SGPP2: variants seen among roughly 807,000 people sequenced by gnomAD.
The protein encoded by SGPP2 is sphingosine-1-phosphate phosphatase 2, also known as sphingosine 1-phosphate phosphohydrolase 2.
In SGPP2, 30 loss-of-function variants were observed where a neutral mutation model predicts 33.9. The observed-to-expected ratio is 0.89, with a 90% CI of 0.66 to 1.20. SGPP2 has a LOEUF of 1.20. SGPP2 is among the 50% of genes most tolerant of loss of function. The pLI is 0.00. For synonymous variants in SGPP2, 233 were observed against 225.0 expected (o/e 1.04, Z -0.32); for missense variants, 458 against 532.1 (o/e 0.86, Z 1.37).
intron 4 of SGPP2, among the ~76,000 whole-genome samples, chr2:222,531,024 A>T (rs1698830873): frequency 6.6e-6 from 1 of 152,170 alleles, no homozygotes; most frequent in African/African-American, 2.4e-5. Context: ...ACAGAATGAG[A>T]TCCAGCCTCC....
chr2:222,553,168 G>T (rs926724953), intron 4 of SGPP2, among the ~76,000 whole-genome samples: 1 of 152,194 alleles, frequency 6.6e-6, no homozygotes, highest in African/African-American at 2.4e-5. Context: ...TTCACATTCA[G>T]TTCAGGGAGA....
intron 2 of SGPP2, among the ~76,000 whole-genome samples, chr2:222,519,545 A>G (rs532080111): frequency 1.6e-4 from 25 of 152,354 alleles, no homozygotes; most frequent in African/African-American, 5.8e-4. Context: ...GGGTATGGAC[A>G]TCCAATTCTT....
At chr2:222,492,239 C>T (rs1385245289) in intron 2 of SGPP2, among the ~76,000 whole-genome samples, 2 of 152,212 alleles carry the variant, frequency 1.3e-5, no homozygotes, top group African/African-American at 4.8e-5. Flanking sequence ...CCCCACATTT[C>T]CTTTCCCCAC....
At chr2:222,520,562 C>G (rs1252069848) in intron 2 of SGPP2, among the ~76,000 whole-genome samples, 1 of 152,072 alleles carries the variant, frequency 6.6e-6, no homozygotes, top group Non-Finnish European at 1.5e-5. Context: ...GAAACCCTGT[C>G]TCTACAAAAA....
At chr2:222,538,781 A>T (rs1208189944) in intron 4 of SGPP2, among the ~76,000 whole-genome samples, 1 of 152,112 alleles carries the variant, frequency 6.6e-6, no homozygotes, top group East Asian at 1.9e-4. Flanking sequence ...GAGGTGCCAC[A>T]CACTTTTAAA....
At chr2:222,538,729 C>T (rs1054414929) in intron 4 of SGPP2, among the ~76,000 whole-genome samples, 12 of 152,234 alleles carry the variant, frequency 7.9e-5, no homozygotes, top group East Asian at 3.9e-4. Context: ...GGAAAGCAGG[C>T]GCATCTTACA....
At position 222,460,690 on chromosome 2, in the gene SGPP2, C is replaced by T. The variant is rs182690496; in HGVS notation, c.220-13878C>T. On this transcript the variant is annotated intron_variant, in intron 1 of 4. Coordinates refer to ENST00000321276, the MANE Select transcript of SGPP2 (RefSeq NM_152386.4). The surrounding 1 kb of genome is among the most constrained non-coding windows in gnomAD (Gnocchi z 4.3). ...CCTCCACTTCTAGCTCTGCTGCCTA[C>T]GACTCCCTTTACAAATCCCTCACAC... Among the ~76,000 whole-genome samples the T allele has an allele frequency of 3.1e-4, 47 of 152,266 alleles. 1 individual carries two copies. The Middle Eastern group carries it at 0.014, about 44-fold the overall frequency.
rs74485864 is a variant in SGPP2, at chr2:222,554,375, T to C, written c.649-3972T>C. Among the ~76,000 whole-genome samples, 1,395 of 152,358 alleles carry C rather than the reference T, an allele frequency of 9.2e-3. 15 individuals carry two copies. The highest frequency in any genetic ancestry group is 0.027 in the African/African-American group (1,129 of 41,580). Reference sequence around the variant, plus strand: ...GTGGCTATATCATAGTTCAATTTCATGAGTCCTCTATAGGTGGAACTTGGG... The same window carrying C: ...GTGGCTATATCATAGTTCAATTTCACGAGTCCTCTATAGGTGGAACTTGGG... On this transcript the variant is annotated intron_variant, in intron 4 of 4. Transcript: ENST00000321276.
chr2:222,486,387 G>A (rs181467838), intron 2 of SGPP2, among the ~76,000 whole-genome samples: 73 of 151,916 alleles, frequency 4.8e-4, no homozygotes, highest in African/African-American at 1.4e-3. Flanking sequence ...TTATTATTCC[G>A]TCCTCTGTGA....
At chr2:222,479,850 G>A (rs1447111112) in intron 2 of SGPP2, among the ~76,000 whole-genome samples, 1 of 152,082 alleles carries the variant, frequency 6.6e-6, no homozygotes, top group Non-Finnish European at 1.5e-5. Context: ...AGCATAAATG[G>A]GTTAACAAAC....
chr2:222,515,193 G>A (rs1302675021), intron 2 of SGPP2, among the ~76,000 whole-genome samples: 1 of 152,110 alleles, frequency 6.6e-6, no homozygotes, highest in East Asian at 1.9e-4. Context: ...GGTGCCATCA[G>A]ACATGCAGAT....
At chr2:222,480,603 G>C (rs75571582) in intron 2 of SGPP2, among the ~76,000 whole-genome samples, 1 of 152,178 alleles carries the variant, frequency 6.6e-6, no homozygotes, top group East Asian at 1.9e-4. Context: ...GTTTCTAAGA[G>C]AGCAAACCTT....
intron 2 of SGPP2, among the ~76,000 whole-genome samples, chr2:222,493,796 CTCTT>C (rs1300095227): frequency 6.6e-6 from 1 of 152,224 alleles, no homozygotes; most frequent in Non-Finnish European, 1.5e-5. Flanking sequence ...AATTAATGAT[CTCTT>C]TGGAGTGTTA....
At chr2:222,512,279 G>A (rs1698541500) in intron 2 of SGPP2, among the ~76,000 whole-genome samples, 2 of 152,120 alleles carry the variant, frequency 1.3e-5, no homozygotes, top group Admixed American at 6.5e-5. Context: ...CCAAAGTACT[G>A]GGATTACAGG....
chr2:222,553,315 T>C (rs1689329694), intron 4 of SGPP2, among the ~76,000 whole-genome samples: 1 of 152,134 alleles, frequency 6.6e-6, no homozygotes. Context: ...ATAAAACAAA[T>C]GCAAAACTTT....
chr2:222,479,840 A>G (rs1698003250), intron 2 of SGPP2, among the ~76,000 whole-genome samples: 1 of 152,164 alleles, frequency 6.6e-6, no homozygotes, highest in Non-Finnish European at 1.5e-5. Flanking sequence ...TGCAACCTCC[A>G]GCATAAATGG....
chr2:222,445,535 A>G (rs1034030967), intron 1 of SGPP2, among the ~76,000 whole-genome samples: 57 of 152,292 alleles, frequency 3.7e-4, no homozygotes, highest in African/African-American at 1.3e-3. Flanking sequence ...TCCAGAGAGA[A>G]GGAGAATAGC....
At chr2:222,557,764 C>A (rs1474663580) in intron 4 of SGPP2, among the ~76,000 whole-genome samples, 1 of 152,286 alleles carries the variant, frequency 6.6e-6, no homozygotes, top group Admixed American at 6.5e-5. Flanking sequence ...ATTGTATGCA[C>A]GCTGTTTGAA....
At chr2:222,528,370 T>C (rs1451252106) in intron 4 of SGPP2, among the ~76,000 whole-genome samples, 2 of 152,152 alleles carry the variant, frequency 1.3e-5, no homozygotes, top group African/African-American at 2.4e-5. Context: ...TTTTTGTTTC[T>C]CAGTGCATAT....
Sources: gnomAD v4.1 joint callset for allele counts (sites outside exome capture counted in the v4.1 genomes callset) on GRCh38, gnomAD v4.1.1 for gene constraint, Gnocchi (gnomAD v3.1) non-coding constraint, MANE v1.5 for transcripts, NCBI Gene and HGNC (gene_info 2026-07-23, HGNC 2026-07-21) for gene names.